PSKH1: variants seen among roughly 807,000 people sequenced by gnomAD.
The protein encoded by PSKH1 is serine/threonine-protein kinase H1.
In PSKH1, 12 loss-of-function variants were observed where a neutral mutation model predicts 26.7. The ratio of observed to expected loss-of-function variants is 0.45; its 90% CI spans 0.29 to 0.73. The LOEUF (loss-of-function observed/expected upper bound fraction) is 0.73, where lower values mean the gene tolerates loss of function less well. Among genes scored for constraint, PSKH1 ranks in the 30% least tolerant of loss-of-function variants. The pLI, the probability that PSKH1 is intolerant of heterozygous loss-of-function variation, is 0.11. For missense variants in PSKH1, 431 were observed against 595.2 expected, an observed-to-expected ratio of 0.72 and a Z score of 2.87; for synonymous variants, 213 against 234.3, an observed-to-expected ratio of 0.91 and a Z score of 0.83.
chr16:67,913,367 C>T (rs548795124), intron 2 of PSKH1, among the ~76,000 whole-genome samples: 1 of 152,212 alleles, frequency 6.6e-6, no homozygotes, highest in African/African-American at 2.4e-5. Context: ...AGGCTGGTCT[C>T]AAACTCCTGA....
intron 1 of PSKH1, among the ~76,000 whole-genome samples, chr16:67,902,605 C>A (rs543858691): frequency 6.6e-6 from 1 of 152,228 alleles, no homozygotes; most frequent in South Asian, 2.1e-4. Context: ...CAGGCCTTTT[C>A]TTTTATAAAC....
Position 67,927,654 on chromosome 16 carries a change from G to T in PSKH1, c.*12G>T, listed in dbSNP as rs761547232. Reference sequence around the variant, plus strand: ...AATACAATGGCTGAGCCGCCTGGCTGTGCACACATGCAGCACGACCCAGCC... The same window carrying T: ...AATACAATGGCTGAGCCGCCTGGCTTTGCACACATGCAGCACGACCCAGCC... On this transcript the variant is annotated 3_prime_UTR_variant, in exon 3 of 3. Coordinates refer to ENST00000291041, the MANE Select transcript of PSKH1 (RefSeq NM_006742.3). This position sits in a 1 kb window ranked among gnomAD's most constrained non-coding sequence, Gnocchi z 5.5. 1.9e-6 allele frequency: 3 copies of T among 1,592,034 alleles called. No homozygotes were observed. The highest frequency in any genetic ancestry group is 2.2e-5 in the South Asian group (2 of 89,948).
intron 2 of PSKH1, among the ~76,000 whole-genome samples, chr16:67,911,574 C>T (rs1487167425): frequency 1.3e-5 from 2 of 152,098 alleles, no homozygotes; most frequent in Admixed American, 6.5e-5. Flanking sequence ...CCCAGCTACT[C>T]GGGAGGCTGA....
chr16:67,922,937 A>G (rs1567402003), intron 2 of PSKH1, among the ~76,000 whole-genome samples: 1 of 152,340 alleles, frequency 6.6e-6, no homozygotes, highest in East Asian at 1.9e-4. Context: ...AGCCTCTGCT[A>G]GAGAGCTGGC....
At chr16:67,904,422 T>G (rs2058150246) in intron 1 of PSKH1, among the ~76,000 whole-genome samples, 2 of 152,138 alleles carry the variant, frequency 1.3e-5, no homozygotes, top group South Asian at 4.1e-4. Flanking sequence ...GCCAGACTGG[T>G]CTCGAACTCC....
At chr16:67,914,774 A>T (rs2058182485) in intron 2 of PSKH1, among the ~76,000 whole-genome samples, 1 of 152,144 alleles carries the variant, frequency 6.6e-6, no homozygotes, top group Non-Finnish European at 1.5e-5. Flanking sequence ...TTTAAGATAG[A>T]TCTGGGAATG....
At chr16:67,924,730 C>T (rs893407017) in intron 2 of PSKH1, among the ~76,000 whole-genome samples, 2 of 152,220 alleles carry the variant, frequency 1.3e-5, no homozygotes, top group Non-Finnish European at 2.9e-5. Context: ...TGAGCTGCAG[C>T]CTGCTTCCTA....
intron 2 of PSKH1, among the ~76,000 whole-genome samples, chr16:67,919,894 G>A (rs1476842638): frequency 6.6e-6 from 1 of 152,186 alleles, no homozygotes; most frequent in Non-Finnish European, 1.5e-5. Context: ...TGCTGCCCTG[G>A]TTGCATACAC....
chr16:67,918,223 G>C (rs2058192858), intron 2 of PSKH1, among the ~76,000 whole-genome samples: 1 of 152,184 alleles, frequency 6.6e-6, no homozygotes, highest in African/African-American at 2.4e-5. Context: ...GACGGATGAA[G>C]GGGCTCTTGT....
intron 2 of PSKH1, among the ~76,000 whole-genome samples, chr16:67,917,008 C>T (rs769949494): frequency 1.6e-4 from 24 of 152,244 alleles, no homozygotes; most frequent in Admixed American, 2.6e-4. Flanking sequence ...ACTCTCCACA[C>T]CAAGCTTCTG....
Position 67,909,000 on chromosome 16 carries a change from C to T in PSKH1, c.251C>T (p.Ala84Val). Residue 84 changes from alanine (A) to valine (V), a missense_variant, in exon 2 of 3, where the codon GCT becomes GTT. Transcript: ENST00000291041. ...PSEPPRRARV[A>V]KYRAKFDPRV... ...GAACCACCACGCAGGGCCAGGGTAG[C>T]TAAGTACAGGGCCAAGTTTGACCCA... 1 of 1,614,122 alleles carries T rather than the reference C, an allele frequency of 6.2e-7. No individual in the cohort carries two copies. The highest frequency in any genetic ancestry group is 8.5e-7 in the Non-Finnish European group (1 of 1,180,010).
intron 1 of PSKH1, among the ~76,000 whole-genome samples, chr16:67,893,590 G>T (rs1208493574): frequency 6.6e-6 from 1 of 152,234 alleles, no homozygotes; most frequent in Non-Finnish European, 1.5e-5. Context: ...ACGTGCTGTC[G>T]TGCTGGATAG....
intron 2 of PSKH1, among the ~76,000 whole-genome samples, chr16:67,923,028 G>T (rs1415224493): frequency 6.6e-6 from 1 of 152,226 alleles, no homozygotes; most frequent in Admixed American, 6.5e-5. Flanking sequence ...CCAGGCCCTT[G>T]TGCCAGACAT....
chr16:67,908,808 T>C lies in PSKH1; in HGVS notation c.59T>C (p.Leu20Pro). 1 of 1,612,366 alleles carries C rather than the reference T, an allele frequency of 6.2e-7. No homozygotes were observed. Among genetic ancestry groups the C allele is most frequent in the Non-Finnish European group, 8.5e-7 (1 of 1,178,880 alleles). ...CCACCCAAGGATGTCCAGCTGGATC[T>C]GGTCAAGAAGGTGGAGCCCTTCAGT... ...PEPPKDVQLD[L>P]VKKVEPFSGT... The change falls in exon 2 of 3, where the codon CTG becomes CCG. Residue 20 changes from leucine to proline, a missense_variant. By Grantham distance (98) the Leu-to-Pro change is moderately conservative. Transcript: ENST00000291041.
rs1598190622 is a variant in PSKH1, at chr16:67,912,534, C to T, written c.957+2828C>T. Among the ~76,000 whole-genome samples, 5 of 152,140 alleles carry T rather than the reference C, an allele frequency of 3.3e-5. No homozygotes were observed. The South Asian group carries it at 8.3e-4, about 25-fold the overall frequency. On this transcript the variant is annotated intron_variant, in intron 2 of 2. Coordinates refer to ENST00000291041, the MANE Select transcript of PSKH1 (RefSeq NM_006742.3). ...ACTTGGTTCTCAGATATGGATTGGC[C>T]ATCAGGTTGGCACAATCTGTGGCTA... is the stretch of plus-strand genomic sequence containing the variant.
At chr16:67,902,515 C>T (rs1292937048) in intron 1 of PSKH1, among the ~76,000 whole-genome samples, 1 of 152,064 alleles carries the variant, frequency 6.6e-6, no homozygotes. Context: ...TCAGGCTGGT[C>T]TCAAACTCTT....
chr16:67,895,393 C>T (rs1219107037), intron 1 of PSKH1, among the ~76,000 whole-genome samples: 1 of 150,862 alleles, frequency 6.6e-6, no homozygotes, highest in Non-Finnish European at 1.5e-5. Context: ...TGAAGAAGAT[C>T]TGGGGTAGGA....
intron 1 of PSKH1, among the ~76,000 whole-genome samples, chr16:67,896,074 G>A (rs1490463558): frequency 4.0e-5 from 6 of 151,748 alleles, no homozygotes; most frequent in African/African-American, 1.5e-4. Flanking sequence ...TCTTCCCAGA[G>A]TTTCCCTTGT....
At chr16:67,902,907 A>T (rs1164661372) in intron 1 of PSKH1, 1 of 151,998 alleles carries the variant, frequency 6.6e-6, no homozygotes, top group Non-Finnish European at 1.5e-5. Flanking sequence ...TCACTGCATG[A>T]GGTGTTGTGT....
Sources: allele counts gnomAD v4.1 joint callset (sites outside exome capture counted in the v4.1 genomes callset), GRCh38; gene constraint gnomAD v4.1.1; non-coding constraint Gnocchi (gnomAD v3.1); transcripts MANE v1.5; gene names NCBI Gene and HGNC (gene_info 2026-07-23, HGNC 2026-07-21).